Variants in CASP8 observed in about 807,000 individuals in gnomAD.
CASP8 encodes caspase-8.
In CASP8, 24 loss-of-function variants were observed where a neutral mutation model predicts 46.3. That is an observed-to-expected ratio of 0.52 (90% CI 0.38 to 0.73). The LOEUF (loss-of-function observed/expected upper bound fraction) is 0.73. Among genes scored for constraint, CASP8 ranks in the 30% least tolerant of loss-of-function variants. CASP8 has a pLI of 0.00. For synonymous variants in CASP8, 188 were observed against 200.4 expected, an observed-to-expected ratio of 0.94 and a Z score of 0.52; for missense variants, 460 against 559.0, an observed-to-expected ratio of 0.82 and a Z score of 1.79.
intron 7 of CASP8, among the ~76,000 whole-genome samples, chr2:201,278,975 A>G (rs192038492): frequency 8.5e-5 from 13 of 152,306 alleles, no homozygotes; most frequent in Non-Finnish European, 1.3e-4. Flanking sequence ...GGTTTCCAAC[A>G]ATTTGGGGGA....
chr2:201,266,836 TG>T lies in CASP8; in HGVS notation c.305+47del. ...GTGGGACTGGGAGGTGTGGGTTGAA[TG>T]GACAGCCTCTGAGCTGATTGGGGCT... On this transcript the variant is annotated intron_variant, in intron 2 of 8. Transcript: ENST00000673742. This position sits in a 1 kb window ranked among gnomAD's most constrained non-coding sequence, Gnocchi z 5.7. 6.7e-7 allele frequency: 1 copy of T among 1,499,000 alleles called. No homozygotes were observed. The highest frequency in any genetic ancestry group is 9.2e-7 in the Non-Finnish European group (1 of 1,084,520). The allele number at this position is 1,499,000 out of a possible 1,614,324, so 92.9% of individuals were successfully genotyped here.
chr2:201,240,013 A>G (rs922752354), intron 2 of CASP8, among the ~76,000 whole-genome samples: 2 of 152,014 alleles, frequency 1.3e-5, no homozygotes, highest in Non-Finnish European at 2.9e-5. Context: ...TTTCCCCTCA[A>G]ATTAGTTCAT....
intron 6 of CASP8, among the ~76,000 whole-genome samples, chr2:201,275,972 C>T (rs1285223088): frequency 3.3e-5 from 5 of 152,154 alleles, no homozygotes; most frequent in African/African-American, 1.2e-4. Context: ...ATACTTGGTA[C>T]AAACTTAATC....
chr2:201,271,017 TG>T (rs983374572), intron 2 of CASP8, among the ~76,000 whole-genome samples: 1 of 152,114 alleles, frequency 6.6e-6, no homozygotes, highest in Non-Finnish European at 1.5e-5. Context: ...TGGGTGTGTT[TG>T]GCTTCAGGTC....
chr2:201,242,720 TA>T (rs1162078751), intron 2 of CASP8: 2 of 152,154 alleles, frequency 1.3e-5, no homozygotes, highest in Non-Finnish European at 2.9e-5. Flanking sequence ...CACAAATAGC[TA>T]AATCAGTTTT....
At chr2:201,239,270 A>G (rs1307721221) in intron 2 of CASP8, among the ~76,000 whole-genome samples, 6 of 152,004 alleles carry the variant, frequency 3.9e-5, no homozygotes, top group East Asian at 1.9e-4. Context: ...CCCGTTCTCA[A>G]TGAGCTGCTG....
intron 2 of CASP8, among the ~76,000 whole-genome samples, chr2:201,234,650 G>T (rs1412737083): frequency 6.6e-6 from 1 of 151,488 alleles, no homozygotes; most frequent in Non-Finnish European, 1.5e-5. Flanking sequence ...GAGATGGGGG[G>T]GTCTCACCAT....
chr2:201,233,944 TCAGTAGAAGGAGGGCC>T (rs1261384232), intron 1 of CASP8: 1 of 152,240 alleles, frequency 6.6e-6, no homozygotes, highest in Non-Finnish European at 1.5e-5. Context: ...GGTCAAGACA[TCAGTAGAAGGAGGGCC>T]CAGCCAGAGA....
intron 2 of CASP8, among the ~76,000 whole-genome samples, chr2:201,236,646 G>A (rs1487808346): frequency 1.3e-5 from 2 of 151,110 alleles, no homozygotes; most frequent in Non-Finnish European, 3.0e-5. Flanking sequence ...GTGCAGTGGT[G>A]TGACCTCGGC....
chr2:201,273,921 T>C (rs1948461130), intron 5 of CASP8, among the ~76,000 whole-genome samples: 1 of 152,204 alleles, frequency 6.6e-6, no homozygotes, highest in East Asian at 1.9e-4. Flanking sequence ...GCCATCCACC[T>C]ACCTGGGCCT....
chr2:201,281,171 G>A (rs972677467), intron 7 of CASP8, among the ~76,000 whole-genome samples: 3 of 152,058 alleles, frequency 2.0e-5, no homozygotes, highest in Admixed American at 1.3e-4. Context: ...AAAATTAGCT[G>A]GGTGTGGTGG....
In CASP8 at chr2:201,272,629, T is replaced by G. The variant is rs781572406; in HGVS notation, c.412-9T>G. The G allele has an allele frequency of 3.1e-6, 5 of 1,613,952 alleles. No individual in the cohort carries two copies. Among genetic ancestry groups the G allele is most frequent in the Middle Eastern group, 1.7e-4 (1 of 6,058 alleles). The stretch of plus-strand genomic sequence containing the variant: ...TCCAGATTCCCAACTTTATTTCTCC[T>G]CCTCTTAGAACCTGCTGGATATTTT... On this transcript the variant is annotated splice_polypyrimidine_tract_variant and intron_variant, in intron 3 of 8. Coordinates refer to ENST00000673742, the MANE Select transcript of CASP8 (RefSeq NM_001372051.1). The surrounding 1 kb of genome is among the most constrained non-coding windows in gnomAD (Gnocchi z 4.4).
At chr2:201,278,377 T>C (rs1349931855) in intron 7 of CASP8, among the ~76,000 whole-genome samples, 2 of 152,182 alleles carry the variant, frequency 1.3e-5, no homozygotes, top group African/African-American at 4.8e-5. Flanking sequence ...CAGACTTGCT[T>C]TACAGTCATT....
intron 7 of CASP8, among the ~76,000 whole-genome samples, 192 bp from the exon 8 acceptor site, chr2:201,284,624 G>T (rs1468482400): frequency 8.9e-6 from 1 of 111,956 alleles, no homozygotes; most frequent in Non-Finnish European, 2.0e-5. Flanking sequence ...CGAGATGGCA[G>T]CAGTACCGTC....
upstream of CASP8, chr2:201,258,365 C>A (rs753962983): frequency 9.3e-6 from 15 of 1,613,792 alleles, no homozygotes; most frequent in East Asian, 2.9e-4. Flanking sequence ...GCGATGGTGC[C>A]AGGAAAGGGT....
At chr2:201,238,348 A>G (rs1946144620) in intron 2 of CASP8, among the ~76,000 whole-genome samples, 2 of 152,234 alleles carry the variant, frequency 1.3e-5, no homozygotes, top group Non-Finnish European at 1.5e-5. Context: ...GTTATCTACA[A>G]GATAATTTCA....
rs1355213982 is a variant in CASP8 at position 201,284,989 on chromosome 2, A to T, written c.976A>T (p.Thr326Ser). Residue 326 changes from threonine (T) to serine (S), a missense_variant, in exon 8 of 9, where the codon ACT becomes TCT. Thr to Ser is a moderately conservative substitution (Grantham distance 58). Transcript: ENST00000673742. ...SHGDKGIIYG[T>S]DGQEAPIYEL... Reference sequence around the variant, plus strand: ...TGGAGACAAGGGCATCATCTATGGCACTGATGGACAGGAGGCCCCCATCTA... The same window carrying T: ...TGGAGACAAGGGCATCATCTATGGCTCTGATGGACAGGAGGCCCCCATCTA... 6.2e-7 allele frequency: 1 copy of T among 1,614,058 alleles called. No individual in the cohort carries two copies. Among genetic ancestry groups the T allele is most frequent in the Non-Finnish European group, 8.5e-7 (1 of 1,180,014 alleles).
chr2:201,263,111 A>G (rs1947541089), intron 1 of CASP8, among the ~76,000 whole-genome samples: 1 of 152,224 alleles, frequency 6.6e-6, no homozygotes, highest in Non-Finnish European at 1.5e-5. Flanking sequence ...CAATCTTATT[A>G]TATCCAAATT....
At chr2:201,283,094 C>T (rs1949229850) in intron 7 of CASP8, among the ~76,000 whole-genome samples, 4 of 63,374 alleles carry the variant, frequency 6.3e-5, no homozygotes, top group South Asian at 1.1e-3. Context: ...GGGCGGGGGG[C>T]TGACCCCCCC....
Sources: allele counts gnomAD v4.1 joint callset (sites outside exome capture counted in the v4.1 genomes callset), GRCh38; gene constraint gnomAD v4.1.1; non-coding constraint Gnocchi (gnomAD v3.1); transcripts MANE v1.5; gene names NCBI Gene and HGNC (gene_info 2026-07-23, HGNC 2026-07-21).